Variants in GPC5 observed in about 807,000 individuals in gnomAD.
The protein encoded by GPC5 is glypican-5.
A neutral mutation model predicts 53.9 loss-of-function variants in GPC5; 47 were observed. The observed-to-expected ratio is 0.87, with a 90% confidence interval of 0.69 to 1.11. The LOEUF is 1.11. Among genes scored for constraint, GPC5 ranks in the 50% most tolerant of loss-of-function variants. The pLI is 0.00. For synonymous variants in GPC5, 286 were observed against 263.3 expected (o/e 1.09, Z -0.84); for missense variants, 748 against 713.1 (o/e 1.05, Z -0.56).
At chr13:91,587,723 T>C (rs557426938) in intron 2 of GPC5, among the ~76,000 whole-genome samples, 15 of 152,294 alleles carry the variant, frequency 9.8e-5, no homozygotes, top group Admixed American at 9.8e-4. Context: ...AATTCTCTTC[T>C]TCTAATGAGA....
At chr13:91,489,502 T>A (rs781290444) in intron 2 of GPC5, among the ~76,000 whole-genome samples, 2 of 152,282 alleles carry the variant, frequency 1.3e-5, no homozygotes, top group Non-Finnish European at 2.9e-5. Context: ...CTGAGGTCTG[T>A]CACTTAATAA....
At chr13:91,810,287 AATTATGTAAGTTGT>A (rs1039431711) in intron 5 of GPC5, among the ~76,000 whole-genome samples, 13 of 151,946 alleles carry the variant, frequency 8.6e-5, no homozygotes, top group Non-Finnish European at 1.6e-4. Context: ...CTTATTGGAT[AATTATGTAAGTTGT>A]ATTATTTAAT....
At chr13:92,030,408 G>A (rs1476905496) in intron 6 of GPC5, among the ~76,000 whole-genome samples, 1 of 151,784 alleles carries the variant, frequency 6.6e-6, no homozygotes, top group Non-Finnish European at 1.5e-5. Flanking sequence ...TATTTCTCAG[G>A]CCCTATAATT....
chr13:92,519,321 A>G (rs987476821), intron 7 of GPC5, among the ~76,000 whole-genome samples: 7 of 152,242 alleles, frequency 4.6e-5, no homozygotes, highest in African/African-American at 1.7e-4. Flanking sequence ...TCAACAGAAT[A>G]TACATTCTTC....
At chr13:92,813,978 G>A (rs1435088299) in intron 7 of GPC5, among the ~76,000 whole-genome samples, 1 of 151,948 alleles carries the variant, frequency 6.6e-6, no homozygotes, top group Non-Finnish European at 1.5e-5. Flanking sequence ...TACACTAACT[G>A]ACTTTGTGAA....
intron 2 of GPC5, among the ~76,000 whole-genome samples, chr13:91,539,339 A>G (rs1217197679): frequency 6.6e-6 from 1 of 152,178 alleles, no homozygotes; most frequent in South Asian, 2.1e-4. Context: ...TCACAAGTGC[A>G]GAAACTGAAG....
chr13:91,831,162 C>T (rs2038653469), intron 5 of GPC5, among the ~76,000 whole-genome samples: 1 of 148,320 alleles, frequency 6.7e-6, no homozygotes, highest in Admixed American at 7.0e-5. Flanking sequence ...ATCATAAAGT[C>T]CCACAATACA....
intron 2 of GPC5, among the ~76,000 whole-genome samples, chr13:91,612,249 C>T (rs1019671451): frequency 6.6e-6 from 1 of 152,154 alleles, no homozygotes; most frequent in Non-Finnish European, 1.5e-5. Context: ...ATAAATTATA[C>T]TTCTGTAGCC....
At position 91,889,565 on chromosome 13, in the gene GPC5, C is replaced by T. The variant is rs182925923; in HGVS notation, c.1281-18372C>T. Among the ~76,000 whole-genome samples, 410 of 152,086 alleles carry T rather than the reference C, an allele frequency of 2.7e-3. 3 individuals carry two copies. The highest frequency in any genetic ancestry group is 9.4e-3 in the African/African-American group (389 of 41,494). On this transcript the variant is annotated intron_variant, in intron 5 of 7. Transcript: ENST00000377067. ...AAATCAGCATTAAAATGAAATTACA[C>T]ATTCATGGGATTTGTTACTAGAGTT...
At chr13:92,421,665 C>T (rs578213095) in intron 7 of GPC5, among the ~76,000 whole-genome samples, 2 of 135,854 alleles carry the variant, frequency 1.5e-5, no homozygotes, top group Non-Finnish European at 3.0e-5. Flanking sequence ...CGCCACTGCA[C>T]TCCAGCCTGT....
intron 6 of GPC5, among the ~76,000 whole-genome samples, chr13:91,959,566 C>A (rs915816986): frequency 6.6e-6 from 1 of 151,944 alleles, no homozygotes. Flanking sequence ...TAGCCTGATA[C>A]CAAAACCAGC....
intron 7 of GPC5, among the ~76,000 whole-genome samples, chr13:92,323,310 G>GTA (rs1456076437): frequency 4.1e-5 from 6 of 148,082 alleles, no homozygotes; most frequent in Non-Finnish European, 8.9e-5. Flanking sequence ...CATATACAAC[G>GTA]TATATATATA....
At chr13:92,154,756 G>A (rs540088738) in intron 7 of GPC5, among the ~76,000 whole-genome samples, 9 of 152,250 alleles carry the variant, frequency 5.9e-5, no homozygotes, top group African/African-American at 1.9e-4. Flanking sequence ...CCTGGAATGA[G>A]CCATTTTTAC....
chr13:92,447,038 C>T (rs1877856909), intron 7 of GPC5: 1 of 152,038 alleles, frequency 6.6e-6, no homozygotes, highest in African/African-American at 2.4e-5. Context: ...ATTAGTCTCT[C>T]ATCAGATATA....
intron 4 of GPC5, among the ~76,000 whole-genome samples, chr13:91,742,029 G>T (rs995646585): frequency 6.6e-6 from 1 of 152,104 alleles, no homozygotes; most frequent in Non-Finnish European, 1.5e-5. Flanking sequence ...GTAAAACAGT[G>T]CTTGTTAGGT....
chr13:92,471,395 A>G (rs9561061), intron 7 of GPC5, among the ~76,000 whole-genome samples: 46,388 of 151,852 alleles, frequency 0.31, 7,727 homozygotes, highest in East Asian at 0.42. Flanking sequence ...GATGTGGCCA[A>G]TACTTTCTGC....
chr13:91,908,867 T>C (rs1318891189), intron 6 of GPC5, among the ~76,000 whole-genome samples: 2 of 152,174 alleles, frequency 1.3e-5, no homozygotes, highest in African/African-American at 4.8e-5. Flanking sequence ...TATTTATTTC[T>C]AGTATCATGA....
intron 7 of GPC5, among the ~76,000 whole-genome samples, chr13:92,538,057 G>T (rs917237922): frequency 6.6e-6 from 1 of 152,018 alleles, no homozygotes; most frequent in African/African-American, 2.4e-5. Flanking sequence ...CTGGAAGCTG[G>T]TGACCTATTT....
intron 5 of GPC5, among the ~76,000 whole-genome samples, chr13:91,886,332 T>A (rs1325386363): frequency 6.6e-6 from 1 of 152,150 alleles, no homozygotes; most frequent in Non-Finnish European, 1.5e-5. Flanking sequence ...ACCCTCCCAC[T>A]GGGCCTCTCC....
Sources: gnomAD v4.1 joint callset for allele counts (sites outside exome capture counted in the v4.1 genomes callset) on GRCh38, gnomAD v4.1.1 for gene constraint, MANE v1.5 for transcripts, NCBI Gene and HGNC (gene_info 2026-07-23, HGNC 2026-07-21) for gene names.